Variants in PRKCE observed in about 807,000 individuals in gnomAD.
The protein encoded by PRKCE is protein kinase C epsilon type.
PRKCE carries 16 observed loss-of-function variants against 85.4 expected under a neutral mutation model. That is an observed-to-expected ratio of 0.19 (90% CI 0.13 to 0.28). The LOEUF (loss-of-function observed/expected upper bound fraction) is 0.28. Ranked by LOEUF, PRKCE falls within the 10% of genes least tolerant of loss-of-function variation. The pLI is 1.00. For synonymous variants in PRKCE, 388 were observed against 371.5 expected (o/e 1.04, Z -0.51); for missense variants, 573 against 975.2 (o/e 0.59, Z 5.49).
intron 2 of PRKCE, among the ~76,000 whole-genome samples, chr2:45,867,747 G>A (rs931574532): frequency 5.3e-5 from 8 of 152,224 alleles, no homozygotes; most frequent in Admixed American, 2.0e-4. Context: ...GTGTGTGCAC[G>A]TGTGTGCTAA....
intron 1 of PRKCE, among the ~76,000 whole-genome samples, chr2:45,672,519 G>A (rs1003332996): frequency 2.0e-5 from 3 of 152,194 alleles, no homozygotes; most frequent in Non-Finnish European, 4.4e-5. Context: ...TATAGTTGAT[G>A]CTAATGCCAT....
intron 8 of PRKCE, among the ~76,000 whole-genome samples, chr2:46,005,892 G>T (rs970914996): frequency 6.6e-6 from 1 of 152,190 alleles, no homozygotes; most frequent in African/African-American, 2.4e-5. Context: ...CCAGTTTGGG[G>T]GTTTTCACGT....
chr2:46,021,580 C>T (rs1022750480), intron 10 of PRKCE, among the ~76,000 whole-genome samples: 4 of 151,996 alleles, frequency 2.6e-5, no homozygotes, highest in South Asian at 2.1e-4. Flanking sequence ...AGCCCCTTAC[C>T]GATTAGAAAC....
chr2:46,001,672 C>A lies in PRKCE; in HGVS notation c.966+126C>A. ...GTTTGAGGTATTTTACTCAGAACTG[C>A]AGTACTTAAAGAAAAAAACAAAGAT... On this transcript the variant is annotated intron_variant, in intron 7 of 14. Coordinates refer to ENST00000306156, the MANE Select transcript of PRKCE (RefSeq NM_005400.3). This position sits in a 1 kb window ranked among gnomAD's most constrained non-coding sequence, Gnocchi z 4.4. 1 of 1,109,494 alleles carries A rather than the reference C, an allele frequency of 9.0e-7. No homozygotes were observed. Among genetic ancestry groups the A allele is most frequent in the Admixed American group, 3.6e-5 (1 of 28,038 alleles). The allele number at this position is 1,109,494 out of a possible 1,614,324, so 68.7% of individuals were successfully genotyped here. A position where few individuals can be genotyped will look rare whatever the true frequency, so the allele number is the denominator to read the frequency against.
intron 6 of PRKCE, among the ~76,000 whole-genome samples, chr2:45,991,500 T>C (rs903687364): frequency 6.6e-6 from 1 of 152,200 alleles, no homozygotes. Flanking sequence ...TGTCTTGGAG[T>C]ATTTCCAAGG....
At chr2:45,744,488 T>G (rs1248933463) in intron 1 of PRKCE, among the ~76,000 whole-genome samples, 1 of 29,184 alleles carries the variant, frequency 3.4e-5, no homozygotes, top group Non-Finnish European at 7.5e-5. Flanking sequence ...TTTCTTTCTT[T>G]TTCTTTCTTT....
intron 1 of PRKCE, among the ~76,000 whole-genome samples, chr2:45,825,640 T>C (rs1261788340): frequency 6.6e-6 from 1 of 152,156 alleles, no homozygotes; most frequent in African/African-American, 2.4e-5. Flanking sequence ...TCCCAGCGCT[T>C]TGGGAGGCCA....
chr2:45,886,203 G>A (rs1206876768), intron 2 of PRKCE, among the ~76,000 whole-genome samples: 1 of 152,178 alleles, frequency 6.6e-6, no homozygotes, highest in Non-Finnish European at 1.5e-5. Context: ...AGTGCTTGCA[G>A]GACTGTCCTC....
intron 1 of PRKCE, among the ~76,000 whole-genome samples, chr2:45,722,020 G>A (rs1680665883): frequency 1.3e-5 from 2 of 151,636 alleles, no homozygotes; most frequent in Non-Finnish European, 2.9e-5. Flanking sequence ...AGATTCCAGA[G>A]AGTTTCTGTT....
intron 1 of PRKCE, among the ~76,000 whole-genome samples, chr2:45,752,102 C>A (rs1408017592): frequency 6.6e-6 from 1 of 152,056 alleles, no homozygotes; most frequent in Non-Finnish European, 1.5e-5. Context: ...CAGGCGTGAG[C>A]CACCGCGCCC....
intron 10 of PRKCE, among the ~76,000 whole-genome samples, chr2:46,044,226 T>C (rs969745378): frequency 1.3e-5 from 2 of 152,230 alleles, no homozygotes; most frequent in African/African-American, 4.8e-5. Context: ...GTTGAATGAA[T>C]GAATGAATGA....
rs547301484 is a variant in PRKCE, at chr2:46,181,457, C to A, written c.2068-3278C>A. 5.3e-5 allele frequency among the ~76,000 whole-genome samples: 8 copies of A among 152,320 alleles called. No homozygotes were observed. The South Asian group carries it at 1.0e-3, about 20-fold the overall frequency. ...GAATGGCATACTCTCTCAAATGCCA[C>A]AGATGATTCTGGAACCTCAAGAATC... On this transcript the variant is annotated intron_variant, in intron 14 of 14. Coordinates refer to ENST00000306156, the MANE Select transcript of PRKCE (RefSeq NM_005400.3).
At chr2:45,754,017 C>A (rs1205743814) in intron 1 of PRKCE, among the ~76,000 whole-genome samples, 2 of 152,186 alleles carry the variant, frequency 1.3e-5, no homozygotes, top group African/African-American at 2.4e-5. Context: ...AGGAGATGAA[C>A]AAGGCCTATA....
intron 1 of PRKCE, among the ~76,000 whole-genome samples, chr2:45,782,464 A>C (rs1285977140): frequency 6.6e-6 from 1 of 152,074 alleles, no homozygotes; most frequent in Non-Finnish European, 1.5e-5. Flanking sequence ...ATCCCAGGTT[A>C]TTCCTGACTG....
At chr2:45,850,604 T>C (rs1030205306) in intron 2 of PRKCE, among the ~76,000 whole-genome samples, 2 of 152,240 alleles carry the variant, frequency 1.3e-5, no homozygotes, top group Non-Finnish European at 2.9e-5. Flanking sequence ...CAGTTGAAAA[T>C]GGCCAGTGCT....
Position 45,895,490 on chromosome 2 carries a change from C to T in PRKCE, c.412+52427C>T, listed in dbSNP as rs879388802. Among the ~76,000 whole-genome samples, 3 of 152,174 alleles carry T rather than the reference C, an allele frequency of 2.0e-5. No individual in the cohort carries two copies. Among genetic ancestry groups the T allele is most frequent in the Non-Finnish European group, 4.4e-5 (3 of 68,038 alleles). ...GGTACAGCCACCCAAGGCATGGCAG[C>T]CATGTGGTGATTTAAAAAGGAATTA... is the stretch of plus-strand genomic sequence containing the variant. On this transcript the variant is annotated intron_variant, in intron 2 of 14. Transcript: ENST00000306156. The surrounding 1 kb of genome is among the most constrained non-coding windows in gnomAD (Gnocchi z 4.8).
At chr2:45,811,333 C>T (rs543947279) in intron 1 of PRKCE, among the ~76,000 whole-genome samples, 13 of 152,144 alleles carry the variant, frequency 8.5e-5, no homozygotes, top group Non-Finnish European at 1.5e-4. Context: ...TGCCTAAGTA[C>T]TGTTAGAATG....
chr2:45,993,117 G>T (rs139396229), intron 6 of PRKCE, among the ~76,000 whole-genome samples: 4 of 151,812 alleles, frequency 2.6e-5, no homozygotes, highest in Admixed American at 1.3e-4. Flanking sequence ...AGGGGCTCAC[G>T]GCCTTTGGCC....
At chr2:46,112,126 C>G (rs1171638159) in intron 11 of PRKCE, among the ~76,000 whole-genome samples, 1 of 152,198 alleles carries the variant, frequency 6.6e-6, no homozygotes, top group African/African-American at 2.4e-5. Context: ...GAACCGACAT[C>G]TTTATCATTA....
Sources: allele counts gnomAD v4.1 joint callset (sites outside exome capture counted in the v4.1 genomes callset), GRCh38; gene constraint gnomAD v4.1.1; non-coding constraint Gnocchi (gnomAD v3.1); transcripts MANE v1.5; gene names NCBI Gene and HGNC (gene_info 2026-07-23, HGNC 2026-07-21).